ROR1: variants seen among roughly 807,000 people sequenced by gnomAD.
ROR1 encodes the protein inactive tyrosine-protein kinase transmembrane receptor ROR1.
Under a neutral mutation model 78.8 loss-of-function variants are expected in ROR1, and 19 were observed. The observed-to-expected ratio is 0.24, with a 90% confidence interval of 0.17 to 0.35. ROR1 has a LOEUF of 0.35. ROR1 is among the 10% of genes least tolerant of loss of function. ROR1 has a pLI of 1.00. For synonymous variants in ROR1, 386 were observed against 433.6 expected (o/e 0.89, Z 1.36); for missense variants, 917 against 1,177.8 (o/e 0.78, Z 3.24).
chr1:63,956,092 G>A (rs1415507830), intron 1 of ROR1, among the ~76,000 whole-genome samples: 2 of 152,154 alleles, frequency 1.3e-5, no homozygotes, highest in Admixed American at 6.5e-5. Context: ...TAGAGCATGT[G>A]CAGTCTGGAG....
intron 1 of ROR1, among the ~76,000 whole-genome samples, chr1:63,784,786 G>A (rs1293925341): frequency 1.3e-5 from 2 of 152,160 alleles, no homozygotes; most frequent in Non-Finnish European, 2.9e-5. Context: ...ACAGTGCCTG[G>A]GCCATAGTTG....
chr1:63,838,922 C>G (rs1645033847), intron 1 of ROR1, among the ~76,000 whole-genome samples: 2 of 151,910 alleles, frequency 1.3e-5, no homozygotes. Flanking sequence ...GTGTGACAGT[C>G]GCCTACAGTA....
intron 1 of ROR1, among the ~76,000 whole-genome samples, chr1:63,856,475 T>C (rs1458781966): frequency 6.6e-6 from 1 of 152,214 alleles, no homozygotes; most frequent in Non-Finnish European, 1.5e-5. Context: ...ATCAGCACTC[T>C]GCTGAATACT....
At chr1:64,133,691 A>G (rs1246527335) in intron 4 of ROR1, among the ~76,000 whole-genome samples, 3 of 152,182 alleles carry the variant, frequency 2.0e-5, no homozygotes, top group Non-Finnish European at 4.4e-5. Flanking sequence ...GAATGGCCAA[A>G]TTCCATTTGC....
chr1:63,925,626 A>G (rs1319288043), intron 1 of ROR1, among the ~76,000 whole-genome samples: 2 of 151,728 alleles, frequency 1.3e-5, no homozygotes, highest in African/African-American at 4.8e-5. Flanking sequence ...TTACAGTCCC[A>G]CCAACAGTGT....
intron 1 of ROR1, among the ~76,000 whole-genome samples, chr1:63,845,312 A>G (rs1359753915): frequency 6.6e-6 from 1 of 152,218 alleles, no homozygotes; most frequent in Non-Finnish European, 1.5e-5. Context: ...CTATTATTAA[A>G]TGTTTAAGGT....
intron 1 of ROR1, among the ~76,000 whole-genome samples, chr1:63,810,343 C>T (rs1328095501): frequency 6.6e-6 from 1 of 152,100 alleles, no homozygotes; most frequent in Non-Finnish European, 1.5e-5. Context: ...GTTGTCTAGC[C>T]CTGAATCTCT....
Position 64,177,991 on chromosome 1 carries a change from T to A in ROR1, c.1950T>A (p.Ser650Arg). The stretch of plus-strand genomic sequence containing the variant: ...CCGCTGATTACTACAGGGTCCAGAG[T>A]AAGTCCTTGCTGCCCATTCGCTGGA... ...IYSADYYRVQ[S>R]KSLLPIRWMP... The change falls in exon 9 of 9, where the codon AGT becomes AGA. Residue 650 changes from serine (S) to arginine (R), a missense_variant. Ser to Arg is a moderately radical substitution (Grantham distance 110). Coordinates refer to ENST00000371079, the MANE Select transcript of ROR1 (RefSeq NM_005012.4). 2 of 1,614,176 alleles carry A rather than the reference T, an allele frequency of 1.2e-6. No homozygotes were observed. Among genetic ancestry groups the A allele is most frequent in the Non-Finnish European group, 1.7e-6 (2 of 1,180,018 alleles).
chr1:63,985,924 A>G (rs531262255), intron 1 of ROR1, among the ~76,000 whole-genome samples: 8 of 152,208 alleles, frequency 5.3e-5, no homozygotes, highest in Admixed American at 2.0e-4. Flanking sequence ...TGGATAAGGG[A>G]TACTCAACCT....
intron 1 of ROR1, among the ~76,000 whole-genome samples, chr1:63,791,990 A>G (rs1435548534): frequency 2.0e-5 from 3 of 152,178 alleles, no homozygotes; most frequent in Non-Finnish European, 2.9e-5. Flanking sequence ...GACCCTGGTC[A>G]TGGAGGAGTC....
chr1:63,846,954 G>A (rs1206704299), intron 1 of ROR1, among the ~76,000 whole-genome samples: 2 of 152,162 alleles, frequency 1.3e-5, no homozygotes, highest in Admixed American at 6.5e-5. Context: ...GGATTTGGCT[G>A]GTTACAAGAG....
At chr1:63,932,611 C>T (rs775841381) in intron 1 of ROR1, among the ~76,000 whole-genome samples, 6 of 152,152 alleles carry the variant, frequency 3.9e-5, no homozygotes, top group Non-Finnish European at 5.9e-5. Flanking sequence ...CTGCAGTTTA[C>T]ACACATTACC....
chr1:64,162,055 C>T (rs1398396651), intron 8 of ROR1, among the ~76,000 whole-genome samples: 1 of 151,946 alleles, frequency 6.6e-6, no homozygotes, highest in African/African-American at 2.4e-5. Context: ...AAGAAAGAAA[C>T]AAAGAAAAGT....
chr1:63,984,506 G>A (rs1171187439), intron 1 of ROR1, among the ~76,000 whole-genome samples: 2 of 152,162 alleles, frequency 1.3e-5, no homozygotes, highest in Non-Finnish European at 2.9e-5. Flanking sequence ...AATGTCCCTG[G>A]CTAATTGCAC....
chr1:63,800,829 G>C (rs1332161579), intron 1 of ROR1, among the ~76,000 whole-genome samples: 1 of 152,150 alleles, frequency 6.6e-6, no homozygotes, highest in Non-Finnish European at 1.5e-5. Context: ...CTGGATTTTC[G>C]TAATTCTAGG....
Position 64,160,477 on chromosome 1 carries a change from C to CA in ROR1, c.1386+1295dup, listed in dbSNP as rs141684682. On this transcript the variant is annotated intron_variant, in intron 8 of 8. Transcript: ENST00000371079. ...TTTATCATTAAAAACAAGCAAACAACAAAAAAAAAACCCTACAAATCCTGA... is the reference window on the plus strand; with the variant it reads ...TTTATCATTAAAAACAAGCAAACAACAAAAAAAAAAACCCTACAAATCCTGA... 3.5e-3 allele frequency among the ~76,000 whole-genome samples: 514 copies of CA among 145,902 alleles called. 3 individuals are homozygous for CA. The highest frequency in any genetic ancestry group is 0.01 in the African/African-American group (411 of 39,962).
chr1:63,959,017 T>G (rs1466888422), intron 1 of ROR1, among the ~76,000 whole-genome samples: 2 of 152,178 alleles, frequency 1.3e-5, no homozygotes, highest in African/African-American at 4.8e-5. Context: ...ACACTGCTAA[T>G]AAAGACATAC....
chr1:64,025,974 C>T (rs1438669774), intron 2 of ROR1, among the ~76,000 whole-genome samples: 2 of 152,318 alleles, frequency 1.3e-5, no homozygotes, highest in Admixed American at 6.5e-5. Context: ...AGCACTTACT[C>T]ATGTAACCAA....
At chr1:64,005,963 A>G (rs533261587) in intron 1 of ROR1, among the ~76,000 whole-genome samples, 1 of 152,298 alleles carries the variant, frequency 6.6e-6, no homozygotes, top group East Asian at 1.9e-4. Context: ...GCGAATTGAA[A>G]TTATCTTTGC....
Sources: allele counts gnomAD v4.1 joint callset (sites outside exome capture counted in the v4.1 genomes callset), GRCh38; gene constraint gnomAD v4.1.1; transcripts MANE v1.5; gene names NCBI Gene and HGNC (gene_info 2026-07-23, HGNC 2026-07-21).